TACC1: variants seen among roughly 807,000 people sequenced by gnomAD.
The protein encoded by TACC1 is transforming acidic coiled-coil-containing protein 1.
In TACC1, 48 loss-of-function variants were observed where a neutral mutation model predicts 84.4. The ratio of observed to expected loss-of-function variants is 0.57; its 90% CI spans 0.45 to 0.72. The LOEUF (loss-of-function observed/expected upper bound fraction) is 0.72, where lower values mean the gene tolerates loss of function less well. Among genes scored for constraint, TACC1 ranks in the 30% least tolerant of loss-of-function variants. TACC1 has a pLI of 0.00. For synonymous variants in TACC1, 372 were observed against 376.3 expected, an observed-to-expected ratio of 0.99 and a Z score of 0.13; for missense variants, 920 against 973.0, an observed-to-expected ratio of 0.95 and a Z score of 0.72.
chr8:38,827,146 T>G, intron 4 of TACC1, 22 bp from the exon 5 acceptor site: 1 of 1,607,298 alleles, frequency 6.2e-7, no homozygotes, highest in Non-Finnish European at 8.5e-7. Context: ...AAGGGTAGCA[T>G]CTTCTCTGTT....
At chr8:38,751,923 T>C (rs1809106212) in intron 3 of TACC1, among the ~76,000 whole-genome samples, 1 of 152,146 alleles carries the variant, frequency 6.6e-6, no homozygotes, top group Admixed American at 6.5e-5. Flanking sequence ...TCTGAGCACA[T>C]AAAAAGTGCT....
chr8:38,789,445 A>G (rs1481172911), intron 2 of TACC1, among the ~76,000 whole-genome samples: 1 of 152,190 alleles, frequency 6.6e-6, no homozygotes, highest in Non-Finnish European at 1.5e-5. Context: ...CAGAATTCAT[A>G]TGCTTATTTA....
At chr8:38,759,427 G>C (rs1786568843) in intron 3 of TACC1, among the ~76,000 whole-genome samples, 1 of 152,258 alleles carries the variant, frequency 6.6e-6, no homozygotes, top group East Asian at 1.9e-4. Flanking sequence ...TTCACTGACT[G>C]TATGCTGAAG....
intron 3 of TACC1, chr8:38,757,392 G>A (rs1398617404): frequency 7.2e-6 from 9 of 1,253,258 alleles, no homozygotes; most frequent in Non-Finnish European, 9.3e-6. Flanking sequence ...AGAGGCACCC[G>A]AGACCCACGG....
chr8:38,734,445 G>A (rs1293449017), intron 1 of TACC1, among the ~76,000 whole-genome samples: 2 of 152,040 alleles, frequency 1.3e-5, no homozygotes, highest in Non-Finnish European at 2.9e-5. Context: ...ATCCGCCCTC[G>A]TTGGCCTCCC....
intron 2 of TACC1, among the ~76,000 whole-genome samples, chr8:38,809,702 G>C (rs112901429): frequency 6.6e-6 from 1 of 152,148 alleles, no homozygotes; most frequent in Non-Finnish European, 1.5e-5. Flanking sequence ...GGGGCTGTGG[G>C]ACTGATGGTG....
intron 8 of TACC1, 56 bp from the exon 9 acceptor site, chr8:38,840,168 A>G: frequency 7.2e-7 from 1 of 1,387,364 alleles, no homozygotes. Flanking sequence ...GCATTTCTCC[A>G]ACTTTCATTG....
At chr8:38,730,656 C>T (rs1461634660) in intron 1 of TACC1, among the ~76,000 whole-genome samples, 1 of 152,204 alleles carries the variant, frequency 6.6e-6, no homozygotes, top group Admixed American at 6.6e-5. Flanking sequence ...GGCCCCCTCC[C>T]CCTGAGTCTG....
intron 9 of TACC1, 104 bp downstream of exon 9, chr8:38,840,371 C>T (rs1831020214): frequency 9.5e-7 from 1 of 1,049,628 alleles, no homozygotes; most frequent in African/African-American, 1.6e-5. Flanking sequence ...TTATAAACAA[C>T]AAACATTTTT....
chr8:38,803,179 G>A (rs752185085), intron 2 of TACC1, among the ~76,000 whole-genome samples: 2 of 152,128 alleles, frequency 1.3e-5, no homozygotes, highest in Non-Finnish European at 2.9e-5. Flanking sequence ...GGTGGATTCC[G>A]TAGGACTTTC....
At chr8:38,768,379 G>T (rs529386415) in intron 3 of TACC1, among the ~76,000 whole-genome samples, 5 of 152,216 alleles carry the variant, frequency 3.3e-5, no homozygotes, top group Non-Finnish European at 7.3e-5. Flanking sequence ...GGGACTCATT[G>T]TGACTTTTTG....
In TACC1 at chr8:38,852,312, G is replaced by A. The variant is rs187710856; in HGVS notation, c.*4289G>A. On this transcript the variant is annotated 3_prime_UTR_variant, in exon 13 of 13. Transcript: ENST00000317827. ...CTAATATGGAGATGTTGTGTGCAATGCTGGCCTGTGGTGGTCTGTGTAATG... is the reference window on the plus strand; with the variant it reads ...CTAATATGGAGATGTTGTGTGCAATACTGGCCTGTGGTGGTCTGTGTAATG... 2 of 206,798 alleles carry A rather than the reference G, an allele frequency of 9.7e-6. No homozygotes were observed. The highest frequency in any genetic ancestry group is 4.7e-5 in the African/African-American group (2 of 42,972). 12.8% of individuals were successfully genotyped at this position (206,798 alleles called of 1,614,324 possible). A position where few individuals can be genotyped will look rare whatever the true frequency, so the allele number is the denominator to read the frequency against.
chr8:38,784,782 G>C (rs1369189613), upstream of TACC1, among the ~76,000 whole-genome samples: 1 of 152,202 alleles, frequency 6.6e-6, no homozygotes, highest in East Asian at 1.9e-4. Flanking sequence ...CACCTACTGA[G>C]TGTGTGGTTC....
chr8:38,743,684 A>G (rs1015697444), intron 2 of TACC1, among the ~76,000 whole-genome samples: 9 of 152,204 alleles, frequency 5.9e-5, no homozygotes, highest in African/African-American at 2.2e-4. Context: ...GAAACTCAAA[A>G]TAATAGTGAC....
chr8:38,811,430 C>T (rs544427177), intron 2 of TACC1, among the ~76,000 whole-genome samples: 5 of 152,322 alleles, frequency 3.3e-5, no homozygotes, highest in South Asian at 2.1e-4. Context: ...AGCATAACTT[C>T]TCCTCCTGTT....
intron 3 of TACC1, among the ~76,000 whole-genome samples, chr8:38,774,605 A>T (rs1441734497): frequency 1.3e-5 from 2 of 152,158 alleles, no homozygotes; most frequent in African/African-American, 4.8e-5. Context: ...TGATCCTCCC[A>T]TCTTGGCCTC....
At chr8:38,837,311 T>C (rs1370282375) in intron 7 of TACC1, among the ~76,000 whole-genome samples, 1 of 151,134 alleles carries the variant, frequency 6.6e-6, no homozygotes, top group East Asian at 1.9e-4. Flanking sequence ...TAATCCCAGC[T>C]ACTTGGGAGG....
At chr8:38,795,139 G>A (rs1819665347) in intron 2 of TACC1, among the ~76,000 whole-genome samples, 1 of 152,112 alleles carries the variant, frequency 6.6e-6, no homozygotes, top group Admixed American at 6.6e-5. Flanking sequence ...CCCCTAGGAA[G>A]CACCTGCTTC....
At chr8:38,742,950 A>G (rs1202881414) in intron 2 of TACC1, among the ~76,000 whole-genome samples, 1 of 152,154 alleles carries the variant, frequency 6.6e-6, no homozygotes, top group Non-Finnish European at 1.5e-5. Context: ...CCTGACCTCA[A>G]GAGATTCACC....
Sources: gnomAD v4.1 joint callset for allele counts (sites outside exome capture counted in the v4.1 genomes callset) on GRCh38, gnomAD v4.1.1 for gene constraint, MANE v1.5 for transcripts, NCBI Gene and HGNC (gene_info 2026-07-23, HGNC 2026-07-21) for gene names.